VPS26B: variants seen among roughly 807,000 people sequenced by gnomAD.
The protein encoded by VPS26B is vacuolar protein sorting-associated protein 26B.
In VPS26B, 10 loss-of-function variants were observed where a neutral mutation model predicts 33.3. The observed-to-expected ratio is 0.30, with a 90% CI of 0.19 to 0.51. VPS26B has a LOEUF of 0.51. VPS26B is among the 20% of genes least tolerant of loss of function. The probability of loss-of-function intolerance (pLI) is 0.98; values close to 1 mark genes in which losing one functional copy is unlikely to be tolerated. For synonymous variants in VPS26B, 190 were observed against 176.9 expected (o/e 1.07, Z -0.59); for missense variants, 317 against 452.7 (o/e 0.70, Z 2.72).
At chr11:134,231,519 A>T (rs1327512358) in intron 1 of VPS26B, among the ~76,000 whole-genome samples, 1 of 151,496 alleles carries the variant, frequency 6.6e-6, no homozygotes, top group Non-Finnish European at 1.5e-5. Flanking sequence ...GTGGCCAGCC[A>T]GCAGACAGTG....
chr11:134,224,999 A>C lies in VPS26B; in HGVS notation c.-124A>C, dbSNP rs964991169. ...ACTGCCCGGCGGCAGCGGCGGAGCC[A>C]GGCAGCCCCGCGGCGGCCGAGCGCG... On this transcript the variant is annotated 5_prime_UTR_variant, in exon 1 of 6. Transcript: ENST00000281187. 2.4e-6 allele frequency: 2 copies of C among 832,316 alleles called. No homozygotes were observed. Among genetic ancestry groups the C allele is most frequent in the Non-Finnish European group, 1.6e-6 (1 of 617,392 alleles). 51.6% of individuals were successfully genotyped at this position (832,316 alleles called of 1,614,324 possible). A position where few individuals can be genotyped will look rare whatever the true frequency, so the allele number is the denominator to read the frequency against.
chr11:134,235,017 C>T lies in VPS26B; in HGVS notation c.344C>T (p.Pro115Leu), dbSNP rs746733630. ...FDFEFTHVEK[P>L]YESYTGQNVK... The stretch of plus-strand genomic sequence containing the variant: ...TTTGAGTTTACCCACGTGGAGAAGC[C>T]GTATGAGTCCTACACAGGGCAGAAT... Residue 115 changes from proline (P) to leucine (L), a missense_variant, in exon 2 of 6, where the codon CCG becomes CTG. Physicochemically the swap from Pro to Leu is moderately conservative, Grantham distance 98. Coordinates refer to ENST00000281187, the MANE Select transcript of VPS26B (RefSeq NM_052875.5). 22 of 1,614,076 alleles carry T rather than the reference C, an allele frequency of 1.4e-5. No individual in the cohort carries two copies. The highest frequency in any genetic ancestry group is 2.2e-5 in the East Asian group (1 of 44,864).
At chr11:134,242,571 G>A (rs991052481) in intron 3 of VPS26B, among the ~76,000 whole-genome samples, 3 of 152,224 alleles carry the variant, frequency 2.0e-5, no homozygotes, top group Non-Finnish European at 4.4e-5. Flanking sequence ...GGCTCACTTC[G>A]TAACAACTCA....
chr11:134,225,510 C>A, intron 1 of VPS26B, 165 bp downstream of exon 1: 1 of 702,202 alleles, frequency 1.4e-6, no homozygotes, highest in Non-Finnish European at 2.4e-6. Context: ...ACTCCCCCTG[C>A]GTTACTGTCC....
At chr11:134,242,920 G>GGGAC (rs1398283264) in intron 3 of VPS26B, among the ~76,000 whole-genome samples, 199 bp from the exon 4 acceptor site, 1 of 152,232 alleles carries the variant, frequency 6.6e-6, no homozygotes, top group Non-Finnish European at 1.5e-5. Context: ...GGATGTGGAA[G>GGGAC]GGACAGAAGC....
chr11:134,237,521 G>A (rs1938650143), intron 2 of VPS26B, among the ~76,000 whole-genome samples: 1 of 152,178 alleles, frequency 6.6e-6, no homozygotes, highest in Non-Finnish European at 1.5e-5. Context: ...TGGCACTAAG[G>A]ACAGAGGGGA....
chr11:134,231,674 C>T (rs531020146), intron 1 of VPS26B, among the ~76,000 whole-genome samples: 2 of 152,110 alleles, frequency 1.3e-5, no homozygotes, highest in East Asian at 3.9e-4. Flanking sequence ...AAGCAATTCT[C>T]CTGCCTCAGC....
intron 2 of VPS26B, among the ~76,000 whole-genome samples, chr11:134,235,921 C>T (rs980478633): frequency 4.6e-5 from 7 of 152,302 alleles, no homozygotes; most frequent in Middle Eastern, 3.4e-3. Context: ...GGTCTTGATA[C>T]CATCTCATAA....
intron 1 of VPS26B, among the ~76,000 whole-genome samples, chr11:134,233,784 C>G (rs1368403064): frequency 6.6e-6 from 1 of 152,132 alleles, no homozygotes; most frequent in Admixed American, 6.5e-5. Context: ...CACCAGGGAG[C>G]TGGGGATGTG....
At position 134,240,089 on chromosome 11, in the gene VPS26B, C is replaced by A; in HGVS notation, c.479C>A (p.Ser160Tyr). 1 of 1,614,206 alleles carries A rather than the reference C, an allele frequency of 6.2e-7. No individual in the cohort carries two copies. The highest frequency in any genetic ancestry group is 8.5e-7 in the Non-Finnish European group (1 of 1,180,024). ...HTLSTYPELN[S>Y]SIKMEVGIED... ...CTCAGCACATACCCAGAGCTGAACT[C>A]TTCCATCAAGATGGAGGTTGGGATT... Residue 160 changes from serine (S) to tyrosine (Y), a missense_variant, in exon 3 of 6, where the codon TCT becomes TAT. Physicochemically the swap from Ser to Tyr is moderately radical, Grantham distance 144. Transcript: ENST00000281187. This position sits in a 1 kb window ranked among gnomAD's most constrained non-coding sequence, Gnocchi z 4.4.
chr11:134,245,859 T>A lies in VPS26B; in HGVS notation c.*269T>A, dbSNP rs551653135. 1.2e-4 allele frequency: 51 copies of A among 436,234 alleles called. No individual in the cohort carries two copies. The highest frequency in any genetic ancestry group is 6.4e-4 in the Middle Eastern group (1 of 1,558). The allele number at this position is 436,234 out of a possible 1,614,324, so 27.0% of individuals were successfully genotyped here. Reference sequence around the variant, plus strand: ...GCCTCTCTGGGGAACATGAGCCCCCTTCCTCGGGGGGCTGCCTTGCGTCTT... The same window carrying A: ...GCCTCTCTGGGGAACATGAGCCCCCATCCTCGGGGGGCTGCCTTGCGTCTT... On this transcript the variant is annotated 3_prime_UTR_variant, in exon 6 of 6. Transcript: ENST00000281187. The surrounding 1 kb of genome is among the most constrained non-coding windows in gnomAD (Gnocchi z 4.7).
Position 134,240,217 on chromosome 11 carries a change from T to A in VPS26B, c.545+62T>A. ...TTAAGGAGGTTAAGATGGGACTTGATGCAGATGCAAACTGATGACCCTCTG... is the reference window on the plus strand; with the variant it reads ...TTAAGGAGGTTAAGATGGGACTTGAAGCAGATGCAAACTGATGACCCTCTG... On this transcript the variant is annotated intron_variant, in intron 3 of 5. Coordinates refer to ENST00000281187, the MANE Select transcript of VPS26B (RefSeq NM_052875.5). The surrounding 1 kb of genome is among the most constrained non-coding windows in gnomAD (Gnocchi z 4.4). 2.5e-6 allele frequency: 4 copies of A among 1,574,468 alleles called. No individual in the cohort carries two copies. Among genetic ancestry groups the A allele is most frequent in the Middle Eastern group, 1.7e-4 (1 of 5,866 alleles).
At chr11:134,231,538 G>A (rs954339457) in intron 1 of VPS26B, among the ~76,000 whole-genome samples, 13 of 152,020 alleles carry the variant, frequency 8.6e-5, no homozygotes, top group African/African-American at 3.1e-4. Flanking sequence ...TGGCTGGGAG[G>A]GTCAGATGAA....
chr11:134,231,282 T>A (rs1715084992), intron 1 of VPS26B, among the ~76,000 whole-genome samples: 1 of 152,144 alleles, frequency 6.6e-6, no homozygotes, highest in South Asian at 2.1e-4. Flanking sequence ...GCCCATACTT[T>A]TAAAAACTCC....
rs1433970742 is a variant in VPS26B, at chr11:134,243,306, G to A, written c.721+12G>A. On this transcript the variant is annotated intron_variant, in intron 4 of 5. Coordinates refer to ENST00000281187, the MANE Select transcript of VPS26B (RefSeq NM_052875.5). ...GGCACCAGTGCGAGGTGAGACTCCA[G>A]GCCCAGGCCTCGGCTACCACAGCTT... The A allele has an allele frequency of 1.2e-6, 2 of 1,613,482 alleles. No homozygotes were observed. Among genetic ancestry groups the A allele is most frequent in the Non-Finnish European group, 1.7e-6 (2 of 1,179,516 alleles).
At chr11:134,239,970 T>C in intron 2 of VPS26B, 21 bp from the exon 3 acceptor site, 3 of 1,614,088 alleles carry the variant, frequency 1.9e-6, no homozygotes, top group South Asian at 1.1e-5. Context: ...TGTTTATTCA[T>C]GACAGTTCCG....
intron 1 of VPS26B, among the ~76,000 whole-genome samples, chr11:134,225,702 T>C (rs1200776873): frequency 6.6e-6 from 1 of 152,224 alleles, no homozygotes; most frequent in Non-Finnish European, 1.5e-5. Flanking sequence ...GGCCATAGCC[T>C]GCAGGTGGGT....
Position 134,234,936 on chromosome 11 carries a change from C to T in VPS26B, c.263C>T (p.Ser88Phe), listed in dbSNP as rs1938609230. ...YDRGNHHEFV[S>F]LVKDLARPGE... Reference sequence around the variant, plus strand: ...CGCGGGAACCACCATGAGTTTGTGTCCCTGGTGAAGGACCTGGCCCGGCCT... The same window carrying T: ...CGCGGGAACCACCATGAGTTTGTGTTCCTGGTGAAGGACCTGGCCCGGCCT... The change falls in exon 2 of 6, where the codon TCC becomes TTC. Residue 88 changes from serine to phenylalanine, a missense_variant. Coordinates refer to ENST00000281187, the MANE Select transcript of VPS26B (RefSeq NM_052875.5). 9 of 1,614,036 alleles carry T rather than the reference C, an allele frequency of 5.6e-6. No individual in the cohort carries two copies. Among genetic ancestry groups the T allele is most frequent in the Non-Finnish European group, 7.6e-6 (9 of 1,180,034 alleles).
At position 134,240,644 on chromosome 11, in the gene VPS26B, A is replaced by G. The variant is rs1591882697; in HGVS notation, c.545+489A>G. On this transcript the variant is annotated intron_variant, in intron 3 of 5. Transcript: ENST00000281187. The surrounding 1 kb of genome is among the most constrained non-coding windows in gnomAD (Gnocchi z 4.4). ...AAGAATATTGGATTTTTTTTTCAAGATGGGGTACAGTGGCCCAGTCATGGC... is the reference window on the plus strand; with the variant it reads ...AAGAATATTGGATTTTTTTTTCAAGGTGGGGTACAGTGGCCCAGTCATGGC... 1.3e-5 allele frequency among the ~76,000 whole-genome samples: 2 copies of G among 151,816 alleles called. No individual in the cohort carries two copies. The highest frequency in any genetic ancestry group is 2.9e-5 in the Non-Finnish European group (2 of 67,882).
Sources: gnomAD v4.1 joint callset for allele counts (sites outside exome capture counted in the v4.1 genomes callset) on GRCh38, gnomAD v4.1.1 for gene constraint, Gnocchi (gnomAD v3.1) non-coding constraint, MANE v1.5 for transcripts, NCBI Gene and HGNC (gene_info 2026-07-23, HGNC 2026-07-21) for gene names.